The following SPAG16 variants were observed in gnomAD, a reference collection of about 807,000 sequenced individuals.
SPAG16 encodes the protein sperm-associated antigen 16 protein.
SPAG16 carries 86 observed loss-of-function variants against 80.4 expected under a neutral mutation model. The ratio of observed to expected loss-of-function variants is 1.07; its 90% CI spans 0.90 to 1.28. SPAG16 has a LOEUF of 1.28. Ranked by LOEUF, SPAG16 falls within the 50% of genes most tolerant of loss-of-function variation. SPAG16 has a pLI of 0.00. For synonymous variants in SPAG16, 294 were observed against 265.9 expected, an observed-to-expected ratio of 1.11 and a Z score of -1.03; for missense variants, 870 against 765.3, an observed-to-expected ratio of 1.14 and a Z score of -1.61.
chr2:213,432,175 T>A (rs1398858486), intron 9 of SPAG16, among the ~76,000 whole-genome samples: 1 of 151,970 alleles, frequency 6.6e-6, no homozygotes, highest in Non-Finnish European at 1.5e-5. Flanking sequence ...ACATCACATT[T>A]GAAGGAACTA....
In SPAG16 at chr2:214,024,674, GA is replaced by G. The variant is rs577477924; in HGVS notation, c.1527+10599del. Among the ~76,000 whole-genome samples, 3 of 151,520 alleles carry G rather than the reference GA, an allele frequency of 2.0e-5. No homozygotes were observed. In the South Asian group the frequency reaches 6.2e-4, roughly 31 times the overall value. The stretch of plus-strand genomic sequence containing the variant: ...TATTCAGATTGATGTGAAATTATAT[GA>G]ATAGAAGGTTGATAGAGAGCTAAAA... On this transcript the variant is annotated intron_variant, in intron 13 of 15. Transcript: ENST00000331683.
intron 14 of SPAG16, among the ~76,000 whole-genome samples, chr2:214,120,409 G>A (rs1050313546): frequency 2.0e-5 from 3 of 151,600 alleles, no homozygotes; most frequent in Admixed American, 1.3e-4. Context: ...TGTCTAGTTT[G>A]ATTTTAGGCA....
intron 15 of SPAG16, among the ~76,000 whole-genome samples, chr2:214,203,674 C>T (rs1024204519): frequency 2.0e-5 from 3 of 152,114 alleles, no homozygotes; most frequent in African/African-American, 4.8e-5. Flanking sequence ...TGTGGACACT[C>T]GCGGTCCCCA....
chr2:213,438,889 T>C (rs1484069783), intron 9 of SPAG16, among the ~76,000 whole-genome samples: 1 of 152,130 alleles, frequency 6.6e-6, no homozygotes. Flanking sequence ...TGTAAGAAGG[T>C]AAACATTTAT....
intron 15 of SPAG16, among the ~76,000 whole-genome samples, chr2:214,381,877 C>T (rs1700468308): frequency 6.6e-6 from 1 of 152,188 alleles, no homozygotes; most frequent in African/African-American, 2.4e-5. Flanking sequence ...CAGTTCTGCC[C>T]CTATTATCTG....
chr2:214,021,404 G>T (rs1165429358), intron 13 of SPAG16, among the ~76,000 whole-genome samples: 2 of 152,248 alleles, frequency 1.3e-5, no homozygotes, highest in African/African-American at 4.8e-5. Flanking sequence ...AAGGCAAAAA[G>T]TACTTCTTAC....
chr2:214,211,631 C>G (rs1184201445), intron 15 of SPAG16, among the ~76,000 whole-genome samples: 1 of 152,140 alleles, frequency 6.6e-6, no homozygotes, highest in Admixed American at 6.6e-5. Context: ...AATCCCAGCT[C>G]CCTGACTAGA....
chr2:214,324,153 A>C (rs2125998952), intron 15 of SPAG16, among the ~76,000 whole-genome samples: 1 of 152,294 alleles, frequency 6.6e-6, no homozygotes, highest in Middle Eastern at 3.4e-3. Flanking sequence ...GCTTCAGAAA[A>C]ATTAAAATAT....
At chr2:213,594,963 C>T (rs1237727764) in intron 10 of SPAG16, among the ~76,000 whole-genome samples, 1 of 151,798 alleles carries the variant, frequency 6.6e-6, no homozygotes, top group African/African-American at 2.4e-5. Flanking sequence ...GTCTGCCTGC[C>T]TGTCTATTTA....
chr2:213,516,420 A>G (rs2075425627), intron 10 of SPAG16, among the ~76,000 whole-genome samples: 1 of 152,152 alleles, frequency 6.6e-6, no homozygotes, highest in Non-Finnish European at 1.5e-5. Flanking sequence ...AAATGAACTT[A>G]TCTTAGTGCT....
intron 11 of SPAG16, among the ~76,000 whole-genome samples, chr2:213,916,737 A>G (rs1368686355): frequency 6.6e-6 from 1 of 152,112 alleles, no homozygotes; most frequent in East Asian, 1.9e-4. Context: ...ACCATATCAT[A>G]TAGGTTGTCT....
At chr2:213,414,704 A>G (rs956598056) in intron 9 of SPAG16, among the ~76,000 whole-genome samples, 2 of 152,232 alleles carry the variant, frequency 1.3e-5, no homozygotes, top group Admixed American at 1.3e-4. Flanking sequence ...TGTGCCTTCA[A>G]TAGGAAGCCA....
chr2:214,176,722 T>C (rs938411300), intron 15 of SPAG16, among the ~76,000 whole-genome samples: 3 of 151,272 alleles, frequency 2.0e-5, no homozygotes, highest in African/African-American at 7.3e-5. Flanking sequence ...ACAGTGATGG[T>C]CAATTTCTTT....
At chr2:213,729,698 T>C (rs549630233) in intron 10 of SPAG16, among the ~76,000 whole-genome samples, 2 of 152,248 alleles carry the variant, frequency 1.3e-5, no homozygotes, top group African/African-American at 4.8e-5. Flanking sequence ...TAGGGACAAC[T>C]GTGCTGATGT....
intron 15 of SPAG16, among the ~76,000 whole-genome samples, chr2:214,395,380 A>T (rs1288759826): frequency 6.6e-6 from 1 of 152,086 alleles, no homozygotes; most frequent in African/African-American, 2.4e-5. Flanking sequence ...GGTGTTATCA[A>T]TGTTCTGGTG....
chr2:213,535,596 A>G (rs149370223), intron 10 of SPAG16, among the ~76,000 whole-genome samples: 20 of 152,124 alleles, frequency 1.3e-4, no homozygotes, highest in Admixed American at 3.3e-4. Context: ...TATATAATCT[A>G]TTTTTCTGTA....
At chr2:214,253,658 T>G (rs113855299) in intron 15 of SPAG16, among the ~76,000 whole-genome samples, 1 of 152,178 alleles carries the variant, frequency 6.6e-6, no homozygotes, top group African/African-American at 2.4e-5. Flanking sequence ...GTTCTATTGA[T>G]CTATATATCT....
chr2:214,220,736 T>C (rs1488317746), intron 15 of SPAG16, among the ~76,000 whole-genome samples: 2 of 152,184 alleles, frequency 1.3e-5, no homozygotes, highest in Non-Finnish European at 2.9e-5. Flanking sequence ...CAAGTATTTA[T>C]AGGGATCAAT....
intron 12 of SPAG16, among the ~76,000 whole-genome samples, chr2:213,949,239 C>T (rs1344607088): frequency 1.7e-5 from 2 of 115,604 alleles, no homozygotes; most frequent in Admixed American, 1.1e-4. Context: ...GGTGTGATCT[C>T]GGCTCACTGT....
Sources: gnomAD v4.1 joint callset for allele counts (sites outside exome capture counted in the v4.1 genomes callset) on GRCh38, gnomAD v4.1.1 for gene constraint, MANE v1.5 for transcripts, NCBI Gene and HGNC (gene_info 2026-07-23, HGNC 2026-07-21) for gene names.